TMEM132B: variants seen among roughly 807,000 people sequenced by gnomAD.
TMEM132B encodes the protein transmembrane protein 132B.
In TMEM132B, 18 loss-of-function variants were observed where a neutral mutation model predicts 90.8. The observed-to-expected ratio is 0.20, with a 90% CI of 0.14 to 0.29. The LOEUF (loss-of-function observed/expected upper bound fraction) is 0.29. Among genes scored for constraint, TMEM132B ranks in the 10% least tolerant of loss-of-function variants. The probability of loss-of-function intolerance (pLI) is 1.00; values close to 1 mark genes in which losing one functional copy is unlikely to be tolerated. For missense variants in TMEM132B, 1,096 were observed against 1,326.8 expected (o/e 0.83, Z 2.70); for synonymous variants, 504 against 523.3 (o/e 0.96, Z 0.50).
chr12:125,271,769 T>A (rs981677611), intron 1 of TMEM132B, among the ~76,000 whole-genome samples: 4 of 151,906 alleles, frequency 2.6e-5, no homozygotes, highest in Admixed American at 6.6e-5. Context: ...ATTACCTTTT[T>A]AAATATATTA....
intron 2 of TMEM132B, among the ~76,000 whole-genome samples, chr12:125,370,762 A>G (rs371779407): frequency 5.3e-5 from 8 of 152,220 alleles, no homozygotes; most frequent in African/African-American, 9.6e-5. Context: ...TTGGGTGAGT[A>G]ATTAGCATTG....
rs539789704 is a variant in TMEM132B, at chr12:125,251,514, C to T, written c.67+64648C>T. ...GGAAGAAGTCTGGGTTTAAGAAATT[C>T]GCTGCTCTCTGCCTATCTTTGAACT... On this transcript the variant is annotated intron_variant, in intron 1 of 8. Transcript: ENST00000682704. The surrounding 1 kb of genome is among the most constrained non-coding windows in gnomAD (Gnocchi z 4.4). Among the ~76,000 whole-genome samples, 22 of 152,290 alleles carry T rather than the reference C, an allele frequency of 1.4e-4. No homozygotes were observed. Among genetic ancestry groups the T allele is most frequent in the South Asian group, 2.1e-4 (1 of 4,824 alleles).
chr12:125,454,408 G>T (rs1300395222), intron 3 of TMEM132B, among the ~76,000 whole-genome samples: 1 of 151,952 alleles, frequency 6.6e-6, no homozygotes, highest in Non-Finnish European at 1.5e-5. Context: ...GTGTGTGTGT[G>T]TGTGTGTGTG....
At chr12:125,372,391 C>T (rs1441345006) in intron 2 of TMEM132B, among the ~76,000 whole-genome samples, 1 of 152,206 alleles carries the variant, frequency 6.6e-6, no homozygotes. Flanking sequence ...GATTTTTCTT[C>T]ACTTACAGCA....
intron 2 of TMEM132B, among the ~76,000 whole-genome samples, chr12:125,385,692 A>G (rs1441425002): frequency 6.6e-6 from 1 of 152,254 alleles, no homozygotes; most frequent in Non-Finnish European, 1.5e-5. Flanking sequence ...AAACATAATC[A>G]ATTGATCTAA....
chr12:125,477,579 ACT>A (rs1185267377), intron 3 of TMEM132B, among the ~76,000 whole-genome samples: 1 of 151,236 alleles, frequency 6.6e-6, no homozygotes, highest in Non-Finnish European at 1.5e-5. Context: ...TGGTCTTGAG[ACT>A]CTTACATTTT....
At chr12:125,235,873 G>A (rs1485500668) in intron 1 of TMEM132B, among the ~76,000 whole-genome samples, 2 of 130,098 alleles carry the variant, frequency 1.5e-5, no homozygotes, top group East Asian at 4.4e-4. Flanking sequence ...GCACAATCTC[G>A]GCTCACTGCA....
intron 6 of TMEM132B, 84 bp downstream of exon 6, chr12:125,644,365 A>C: frequency 6.8e-7 from 1 of 1,468,794 alleles, no homozygotes. Context: ...TCAGGGACTC[A>C]AGCCATTGGG....
In TMEM132B at chr12:125,650,739, C is replaced by A. The variant is rs1315460325; in HGVS notation, c.1700C>A (p.Ser567Tyr). 1.2e-6 allele frequency: 2 copies of A among 1,614,104 alleles called. No individual in the cohort carries two copies. Among genetic ancestry groups the A allele is most frequent in the Non-Finnish European group, 8.5e-7 (1 of 1,179,950 alleles). ...DDEEKKGRGC[S>Y]LQYQHATVRV... ...GAGGAGAAGAAGGGACGAGGCTGCT[C>A]CCTGCAGTACCAGCACGCCACAGTG... The change falls in exon 7 of 9, where the codon TCC (serine) becomes TAC (tyrosine). Residue 567 changes from serine (S) to tyrosine (Y), a missense_variant. By Grantham distance (144) the Ser-to-Tyr change is moderately radical. Transcript: ENST00000682704.
At chr12:125,232,789 T>C (rs757320980) in intron 1 of TMEM132B, among the ~76,000 whole-genome samples, 34 of 152,266 alleles carry the variant, frequency 2.2e-4, no homozygotes, top group Non-Finnish European at 4.6e-4. Flanking sequence ...GAAATGGCTA[T>C]GTTGTTCTTT....
At chr12:125,396,011 C>T (rs1363094058) in intron 2 of TMEM132B, among the ~76,000 whole-genome samples, 1 of 152,178 alleles carries the variant, frequency 6.6e-6, no homozygotes, top group African/African-American at 2.4e-5. Flanking sequence ...TCAAATGGTT[C>T]CTCCTTGGAC....
intron 1 of TMEM132B, among the ~76,000 whole-genome samples, chr12:125,198,342 C>T (rs994132729): frequency 3.9e-5 from 6 of 152,164 alleles, no homozygotes; most frequent in Non-Finnish European, 7.3e-5. Context: ...GCTTAACACT[C>T]TCCTAATGGG....
Position 125,653,811 on chromosome 12 carries a change from G to T in TMEM132B, c.2353G>T (p.Val785Leu). Residue 785 changes from valine to leucine, a missense_variant, in exon 9 of 9, where the codon GTG (valine) becomes TTG (leucine). Coordinates refer to ENST00000682704, the MANE Select transcript of TMEM132B (RefSeq NM_001366854.1). ...QKTKRKSVLA[V>L]GKGNVKVKFE... ...GACCAAGAGGAAGAGTGTTCTTGCC[G>T]TGGGTAAAGGAAATGTCAAGGTCAA... is the stretch of plus-strand genomic sequence containing the variant. 2 of 1,614,180 alleles carry T rather than the reference G, an allele frequency of 1.2e-6. No homozygotes were observed. Among genetic ancestry groups the T allele is most frequent in the South Asian group, 1.1e-5 (1 of 91,078 alleles).
intron 2 of TMEM132B, among the ~76,000 whole-genome samples, chr12:125,392,602 C>T (rs1879056949): frequency 6.6e-6 from 1 of 152,138 alleles, no homozygotes; most frequent in Admixed American, 6.5e-5. Context: ...AAAGGGACCT[C>T]AGTAGGGGGA....
At chr12:125,533,478 C>T (rs1409746853) in intron 4 of TMEM132B, among the ~76,000 whole-genome samples, 5 of 152,232 alleles carry the variant, frequency 3.3e-5, no homozygotes, top group Non-Finnish European at 1.5e-5. Flanking sequence ...TGTTCCTAAA[C>T]GCTTGTTTTC....
At chr12:125,449,891 G>A (rs977435053) in intron 3 of TMEM132B, among the ~76,000 whole-genome samples, 1 of 152,176 alleles carries the variant, frequency 6.6e-6, no homozygotes, top group African/African-American at 2.4e-5. Context: ...CAACATTTTA[G>A]TGTAGTTGGG....
intron 2 of TMEM132B, among the ~76,000 whole-genome samples, chr12:125,393,334 T>C (rs548178862): frequency 1.3e-5 from 2 of 152,326 alleles, no homozygotes; most frequent in Non-Finnish European, 2.9e-5. Flanking sequence ...GGGTCTTAAC[T>C]GTTTGAGACA....
chr12:125,211,652 T>C (rs1343302503), intron 1 of TMEM132B, among the ~76,000 whole-genome samples: 1 of 152,216 alleles, frequency 6.6e-6, no homozygotes, highest in East Asian at 1.9e-4. Context: ...AGCATGCACA[T>C]TGCGACCGCC....
chr12:125,555,129 C>G (rs924716263), intron 4 of TMEM132B, among the ~76,000 whole-genome samples: 2 of 152,116 alleles, frequency 1.3e-5, no homozygotes, highest in African/African-American at 4.8e-5. Flanking sequence ...GAGGTTTGTA[C>G]TTTATATGCT....
Sources: gnomAD v4.1 joint callset for allele counts (sites outside exome capture counted in the v4.1 genomes callset) on GRCh38, gnomAD v4.1.1 for gene constraint, Gnocchi (gnomAD v3.1) non-coding constraint, MANE v1.5 for transcripts, NCBI Gene and HGNC (gene_info 2026-07-23, HGNC 2026-07-21) for gene names.